The following LARGE1 variants were observed in gnomAD, a reference collection of about 807,000 sequenced individuals.
LARGE1 encodes xylosyl- and glucuronyltransferase LARGE1.
In LARGE1, 43 loss-of-function variants were observed where a neutral mutation model predicts 87.6. The ratio of observed to expected loss-of-function variants is 0.49; its 90% CI spans 0.38 to 0.63. The LOEUF is 0.63. LARGE1 is among the 30% of genes least tolerant of loss of function. The pLI, the probability that LARGE1 is intolerant of heterozygous loss-of-function variation, is 0.00. For missense variants in LARGE1, 802 were observed against 1,000.2 expected (o/e 0.80, Z 2.67); for synonymous variants, 434 against 394.6 (o/e 1.10, Z -1.18).
At chr22:33,314,189 T>A (rs1344885867) in intron 11 of LARGE1, among the ~76,000 whole-genome samples, 1 of 151,992 alleles carries the variant, frequency 6.6e-6, no homozygotes, top group East Asian at 1.9e-4. Context: ...CCTTGCTCTT[T>A]TGTCCCATGC....
chr22:33,310,514 T>A (rs1159758449), intron 11 of LARGE1, among the ~76,000 whole-genome samples: 2 of 152,070 alleles, frequency 1.3e-5, no homozygotes, highest in Non-Finnish European at 2.9e-5. Flanking sequence ...CAACGTTCAT[T>A]CTTTCTGAAC....
At position 33,920,120 on chromosome 22, in the gene LARGE1, G is replaced by T. The variant is rs1211222001; in HGVS notation, c.-208C>A. The T allele has an allele frequency of 6.6e-6, 1 of 152,358 alleles. No individual in the cohort carries two copies. Among genetic ancestry groups the T allele is most frequent in the East Asian group, 1.9e-4 (1 of 5,132 alleles). 9.4% of individuals were successfully genotyped at this position (152,358 alleles called of 1,614,324 possible). On this transcript the variant is annotated 5_prime_UTR_variant, in exon 1 of 15. Transcript: ENST00000397394. ...GGCAGGCGCTGCCCTACTCGGAGCG[G>T]CGGTGCCAAGCACAGAGTTCGGGAC...
the LARGE1 span, among the ~76,000 whole-genome samples, chr22:33,140,793 T>G: frequency 1.3e-5 from 2 of 152,278 alleles, no homozygotes; most frequent in African/African-American, 4.8e-5. Context: ...CAGACTGGCT[T>G]CCTTGCTCCT....
intron 2 of LARGE1, among the ~76,000 whole-genome samples, chr22:33,703,491 G>A (rs1039874152): frequency 6.6e-6 from 1 of 152,188 alleles, no homozygotes; most frequent in Non-Finnish European, 1.5e-5. Context: ...AAAGGACTTT[G>A]TAGGTATGAT....
intron 6 of LARGE1, among the ~76,000 whole-genome samples, chr22:33,559,798 G>A (rs757575306): frequency 6.6e-6 from 1 of 152,052 alleles, no homozygotes; most frequent in Admixed American, 6.6e-5. Flanking sequence ...TGTTCTCGGA[G>A]GTCACATGCT....
At chr22:33,909,753 T>C (rs752989196) in intron 1 of LARGE1, among the ~76,000 whole-genome samples, 7 of 151,980 alleles carry the variant, frequency 4.6e-5, no homozygotes, top group Non-Finnish European at 7.4e-5. Flanking sequence ...TTAGTCAAGA[T>C]GGTCTCGATC....
At chr22:33,506,279 G>A (rs1056098145) in intron 6 of LARGE1, among the ~76,000 whole-genome samples, 2 of 151,984 alleles carry the variant, frequency 1.3e-5, no homozygotes, top group African/African-American at 2.4e-5. Flanking sequence ...GCTGCTTTTG[G>A]AACAATTTTC....
chr22:33,799,363 T>C (rs541832558), intron 1 of LARGE1, among the ~76,000 whole-genome samples: 7 of 152,238 alleles, frequency 4.6e-5, no homozygotes, highest in Middle Eastern at 3.4e-3. Flanking sequence ...CCATAATCCA[T>C]GTGGTGGGGA....
rs1423824724 is a variant in LARGE1 at position 33,578,433 on chromosome 22, T to C, written c.616-13414A>G. Among the ~76,000 whole-genome samples, 4 of 152,306 alleles carry C rather than the reference T, an allele frequency of 2.6e-5. No homozygotes were observed. The East Asian group carries it at 7.7e-4, about 29-fold the overall frequency. On this transcript the variant is annotated intron_variant, in intron 5 of 14. Coordinates refer to ENST00000397394, the MANE Select transcript of LARGE1 (RefSeq NM_133642.5). ...TGTGTGTGCCAAATTCTGTACTAGA[T>C]ACTAAGGAAAGAGGAGTAAATGAAA...
chr22:33,811,365 T>C (rs2146175452), intron 1 of LARGE1, among the ~76,000 whole-genome samples: 1 of 152,282 alleles, frequency 6.6e-6, no homozygotes, highest in South Asian at 2.1e-4. Flanking sequence ...CTAGGCTCCC[T>C]TGTGGGACGC....
chr22:33,786,924 G>A (rs916568023), intron 1 of LARGE1, among the ~76,000 whole-genome samples: 2 of 151,764 alleles, frequency 1.3e-5, no homozygotes, highest in Admixed American at 6.6e-5. Flanking sequence ...AGGAGGCTGA[G>A]GCAGGAGAAT....
intron 10 of LARGE1, among the ~76,000 whole-genome samples, chr22:33,322,200 C>G (rs1601439477): frequency 6.6e-6 from 1 of 152,130 alleles, no homozygotes; most frequent in African/African-American, 2.4e-5. Flanking sequence ...GCTCCAGGAA[C>G]CACTTTCTAA....
At chr22:33,379,014 G>A (rs925571169) in intron 9 of LARGE1, among the ~76,000 whole-genome samples, 1 of 152,100 alleles carries the variant, frequency 6.6e-6, no homozygotes, top group Non-Finnish European at 1.5e-5. Context: ...GGGGTATGGA[G>A]CTTCCATGCC....
chr22:33,474,311 G>A (rs543385465), intron 6 of LARGE1, among the ~76,000 whole-genome samples: 15 of 152,274 alleles, frequency 9.9e-5, no homozygotes, highest in Non-Finnish European at 1.5e-4. Context: ...TTATAGGCAT[G>A]CACCACCATG....
intron 6 of LARGE1, among the ~76,000 whole-genome samples, chr22:33,494,174 A>T (rs943458199): frequency 2.0e-5 from 3 of 152,218 alleles, no homozygotes; most frequent in Non-Finnish European, 4.4e-5. Flanking sequence ...AGCTTTGCAT[A>T]TGGTCTTTGA....
intron 3 of LARGE1, among the ~76,000 whole-genome samples, chr22:33,641,527 T>C (rs1372153868): frequency 6.6e-6 from 1 of 152,144 alleles, no homozygotes; most frequent in Non-Finnish European, 1.5e-5. Context: ...GGATGGAGAA[T>C]GAGTTTGACC....
rs183562662 is a variant in LARGE1 at position 33,635,031 on chromosome 22, T to C, written c.409-8705A>G. 8.3e-4 allele frequency among the ~76,000 whole-genome samples: 125 copies of C among 151,260 alleles called. 1 individual carries two copies. In the East Asian group the frequency reaches 0.023, roughly 28 times the overall value. ...TACTCGGGAAGCTGAGGCAGGAGAA[T>C]CACTTGAACCCGGGAGGTGGGGGCT... On this transcript the variant is annotated intron_variant, in intron 3 of 14. Coordinates refer to ENST00000397394, the MANE Select transcript of LARGE1 (RefSeq NM_133642.5).
chr22:33,857,769 T>A (rs67503539), intron 1 of LARGE1, among the ~76,000 whole-genome samples: 1,950 of 151,998 alleles, frequency 0.013, 43 homozygotes, highest in African/African-American at 0.045. Context: ...AGTGGAGAAA[T>A]AGGAATGCTT....
intron 3 of LARGE1, 143 bp downstream of exon 3, chr22:33,650,224 G>A (rs2149180701): frequency 1.9e-6 from 2 of 1,032,630 alleles, no homozygotes; most frequent in South Asian, 1.3e-5. Context: ...CAAAGTTAGC[G>A]AGCAAGCCAG....
Sources: gnomAD v4.1 joint callset for allele counts (sites outside exome capture counted in the v4.1 genomes callset) on GRCh38, gnomAD v4.1.1 for gene constraint, MANE v1.5 for transcripts, NCBI Gene and HGNC (gene_info 2026-07-23, HGNC 2026-07-21) for gene names.